Variants in PCDH9 observed in about 807,000 individuals in gnomAD.
PCDH9 encodes protocadherin 9.
In PCDH9, 24 loss-of-function variants were observed where a neutral mutation model predicts 70.6. The ratio of observed to expected loss-of-function variants is 0.34; its 90% CI spans 0.25 to 0.48. PCDH9 has a LOEUF of 0.48. Ranked by LOEUF, PCDH9 falls within the 20% of genes least tolerant of loss-of-function variation. PCDH9 has a pLI of 0.99. For synonymous variants in PCDH9, 562 were observed against 558.5 expected (o/e 1.01, Z -0.09); for missense variants, 1,281 against 1,503.6 (o/e 0.85, Z 2.45).
chr13:67,207,728 CAT>C (rs1213488550), intron 2 of PCDH9: 4 of 152,256 alleles, frequency 2.6e-5, no homozygotes, highest in African/African-American at 4.8e-5. Context: ...GTTAGTTTTA[CAT>C]ATGTTTAAAA....
chr13:66,957,040 A>G (rs890641704), intron 2 of PCDH9, among the ~76,000 whole-genome samples: 2 of 152,204 alleles, frequency 1.3e-5, no homozygotes, highest in Non-Finnish European at 2.9e-5. Context: ...TCACTGAATT[A>G]TAGCACCCAC....
At chr13:66,382,758 C>T (rs1042995797) in intron 4 of PCDH9, among the ~76,000 whole-genome samples, 1 of 152,016 alleles carries the variant, frequency 6.6e-6, no homozygotes, top group Non-Finnish European at 1.5e-5. Context: ...TGGCCAGGCG[C>T]GGTGGCTCAC....
chr13:66,805,668 A>C (rs559060373), intron 3 of PCDH9, among the ~76,000 whole-genome samples: 1 of 152,260 alleles, frequency 6.6e-6, no homozygotes, highest in African/African-American at 2.4e-5. Flanking sequence ...TTATGAAAGA[A>C]AAAAATAGAA....
rs553438289 is a variant in PCDH9 at position 66,956,345 on chromosome 13, G to A, written c.3037-52740C>T. ...TGATGTGTTAAATAGCCCCCAAGGT[G>A]ACCTTAGTAATGACTGAGCCCCCGA... On this transcript the variant is annotated intron_variant, in intron 2 of 4. Transcript: ENST00000377865. Among the ~76,000 whole-genome samples, 3 of 152,292 alleles carry A rather than the reference G, an allele frequency of 2.0e-5. No homozygotes were observed. The South Asian group carries it at 6.2e-4, about 32-fold the overall frequency.
At chr13:67,054,065 AAACCAAC>A (rs2085373095) in intron 2 of PCDH9, among the ~76,000 whole-genome samples, 1 of 152,122 alleles carries the variant, frequency 6.6e-6, no homozygotes. Context: ...TACGTTGGGA[AAACCAAC>A]AACCCAATGT....
chr13:67,021,643 T>C (rs1029655869), intron 2 of PCDH9, among the ~76,000 whole-genome samples: 15 of 152,032 alleles, frequency 9.9e-5, no homozygotes, highest in Non-Finnish European at 2.1e-4. Context: ...TACTGCAACC[T>C]CCACCTCCCG....
chr13:66,688,055 C>T (rs2078430985), intron 3 of PCDH9, among the ~76,000 whole-genome samples: 1 of 152,212 alleles, frequency 6.6e-6, no homozygotes, highest in South Asian at 2.1e-4. Flanking sequence ...AAGCCTCTTC[C>T]AAAGCCCATC....
At chr13:66,656,156 A>G in intron 3 of PCDH9, among the ~76,000 whole-genome samples, 1 of 151,890 alleles carries the variant, frequency 6.6e-6, no homozygotes. Context: ...AAATCAAAGC[A>G]AACTTCTTGT....
intron 3 of PCDH9, among the ~76,000 whole-genome samples, chr13:66,676,998 A>G (rs1209014348): frequency 6.6e-6 from 1 of 152,130 alleles, no homozygotes; most frequent in Non-Finnish European, 1.5e-5. Context: ...CGGTATGCGG[A>G]TTAAAAGTTT....
intron 2 of PCDH9, among the ~76,000 whole-genome samples, chr13:66,967,658 A>AT (rs2083452595): frequency 1.3e-5 from 2 of 151,940 alleles, no homozygotes; most frequent in African/African-American, 4.8e-5. Context: ...TACAAAAAAA[A>AT]ATTTTTTCTT....
At chr13:66,732,337 T>G (rs1331330668) in intron 3 of PCDH9, among the ~76,000 whole-genome samples, 1 of 151,950 alleles carries the variant, frequency 6.6e-6, no homozygotes, top group Admixed American at 6.6e-5. Flanking sequence ...GCTTTCCTAC[T>G]GTACTGTTGA....
intron 4 of PCDH9, among the ~76,000 whole-genome samples, chr13:66,428,588 C>T (rs140728468): frequency 1.3e-5 from 2 of 151,782 alleles, no homozygotes; most frequent in Non-Finnish European, 3.0e-5. Context: ...TCCTTTTACC[C>T]TCAGCATCCT....
At chr13:66,773,397 G>A (rs1383884118) in intron 3 of PCDH9, among the ~76,000 whole-genome samples, 3 of 152,052 alleles carry the variant, frequency 2.0e-5, no homozygotes, top group African/African-American at 4.8e-5. Context: ...GGGAGGCCGG[G>A]GCGGGTGGAT....
chr13:67,199,616 G>A (rs2089160468), intron 2 of PCDH9, among the ~76,000 whole-genome samples: 1 of 151,898 alleles, frequency 6.6e-6, no homozygotes, highest in Admixed American at 6.6e-5. Flanking sequence ...AAAGGATAAA[G>A]GAATGGATAG....
chr13:66,638,808 A>T (rs9540846), intron 3 of PCDH9, among the ~76,000 whole-genome samples: 129,277 of 152,130 alleles, frequency 0.85, 55,691 homozygotes, highest in Admixed American at 0.92. Context: ...TCACGGGAAA[A>T]GTTACCTGTC....
At chr13:67,032,647 C>T (rs2084930864) in intron 2 of PCDH9, among the ~76,000 whole-genome samples, 1 of 152,174 alleles carries the variant, frequency 6.6e-6, no homozygotes, top group African/African-American at 2.4e-5. Flanking sequence ...TTGACTGAGA[C>T]TCATTATGAG....
At chr13:66,683,899 T>A (rs889320238) in intron 3 of PCDH9, among the ~76,000 whole-genome samples, 8 of 152,182 alleles carry the variant, frequency 5.3e-5, no homozygotes, top group Admixed American at 4.6e-4. Flanking sequence ...TAGTGATATA[T>A]CCAGTGTACT....
At chr13:66,861,343 C>G (rs2081481161) in intron 3 of PCDH9, among the ~76,000 whole-genome samples, 1 of 152,156 alleles carries the variant, frequency 6.6e-6, no homozygotes, top group African/African-American at 2.4e-5. Flanking sequence ...ATTGCAGTGT[C>G]TAAGGAACAA....
At chr13:66,442,711 C>A (rs750679347) in intron 4 of PCDH9, among the ~76,000 whole-genome samples, 1 of 151,402 alleles carries the variant, frequency 6.6e-6, no homozygotes, top group Non-Finnish European at 1.5e-5. Context: ...TGAACTTTAG[C>A]GATAATATTA....
Sources: gnomAD v4.1 joint callset for allele counts (sites outside exome capture counted in the v4.1 genomes callset) on GRCh38, gnomAD v4.1.1 for gene constraint, MANE v1.5 for transcripts, NCBI Gene and HGNC (gene_info 2026-07-23, HGNC 2026-07-21) for gene names.